Variants in EPB41L4A observed in about 807,000 individuals in gnomAD.
EPB41L4A encodes the protein band 4.1-like protein 4A.
In EPB41L4A, 100 loss-of-function variants were observed where a neutral mutation model predicts 108.6. The ratio of observed to expected loss-of-function variants is 0.92; its 90% CI spans 0.78 to 1.09. EPB41L4A has a LOEUF of 1.09. Among genes scored for constraint, EPB41L4A ranks in the 50% least tolerant of loss-of-function variants. EPB41L4A has a pLI of 0.00. For synonymous variants in EPB41L4A, 319 were observed against 289.0 expected (o/e 1.10, Z -1.05); for missense variants, 1,030 against 842.7 (o/e 1.22, Z -2.75).
downstream of EPB41L4A, among the ~76,000 whole-genome samples, chr5:112,142,282 T>C (rs1257934606): frequency 1.3e-5 from 2 of 152,212 alleles, no homozygotes; most frequent in Admixed American, 6.5e-5. Flanking sequence ...GCTTTCTTTT[T>C]AGTGTATAGA....
At position 112,164,821 on chromosome 5, in the gene EPB41L4A, G is replaced by A. The variant is rs1207567042; in HGVS notation, c.*169C>T. ...TGCACTCCAGCCTGGGCGACAGAGT[G>A]ATAACATCTCAAAAAAAAAAAAAAA... On this transcript the variant is annotated 3_prime_UTR_variant, in exon 23 of 23. Transcript: ENST00000261486. The A allele has an allele frequency of 1.5e-5, 10 of 661,036 alleles. No individual in the cohort carries two copies. In the South Asian group the frequency reaches 2.1e-4, roughly 14 times the overall value. 40.9% of individuals were successfully genotyped at this position (661,036 alleles called of 1,614,324 possible).
At chr5:112,313,091 A>G (rs558745586) in intron 1 of EPB41L4A, among the ~76,000 whole-genome samples, 1 of 152,366 alleles carries the variant, frequency 6.6e-6, no homozygotes, top group East Asian at 1.9e-4. Flanking sequence ...TGGGAAAAGT[A>G]CACTAATAAA....
Position 112,318,085 on chromosome 5 carries a change from C to T in EPB41L4A, c.100-10595G>A, listed in dbSNP as rs79615431. ...TTTTATAGATGAGGAAACTCAGAGC[C>T]GAGAGATGAGTGACTTGCCCACAGG... On this transcript the variant is annotated intron_variant, in intron 1 of 22. Coordinates refer to ENST00000261486, the MANE Select transcript of EPB41L4A (RefSeq NM_022140.5). 4.5e-3 allele frequency among the ~76,000 whole-genome samples: 686 copies of T among 152,148 alleles called. 9 individuals are homozygous for T. Among genetic ancestry groups the T allele is most frequent in the African/African-American group, 0.016 (668 of 41,504 alleles).
Position 112,176,173 on chromosome 5 carries a change from G to A in EPB41L4A, c.1623-5181C>T, listed in dbSNP as rs148499239. 2.5e-4 allele frequency among the ~76,000 whole-genome samples: 38 copies of A among 152,294 alleles called. No homozygotes were observed. In the East Asian group the frequency reaches 7.1e-3, roughly 29 times the overall value. The stretch of plus-strand genomic sequence containing the variant: ...CACTTAATGCTCAGCAAAATCCTAA[G>A]AGCGTGGTACCATCAGTGTTGTAGA... On this transcript the variant is annotated intron_variant, in intron 18 of 22. Coordinates refer to ENST00000261486, the MANE Select transcript of EPB41L4A (RefSeq NM_022140.5).
At chr5:112,346,648 C>T (rs1757696790) in intron 1 of EPB41L4A, among the ~76,000 whole-genome samples, 1 of 152,146 alleles carries the variant, frequency 6.6e-6, no homozygotes. Flanking sequence ...AAAACGTTAG[C>T]CCCAGTAGTT....
intron 3 of EPB41L4A, among the ~76,000 whole-genome samples, chr5:112,275,686 A>G: frequency 6.6e-6 from 1 of 152,282 alleles, no homozygotes; most frequent in East Asian, 1.9e-4. Context: ...CCCATTTTCT[A>G]TAGTATATAT....
At chr5:112,410,394 G>C (rs1039972321) in intron 1 of EPB41L4A, among the ~76,000 whole-genome samples, 1 of 152,206 alleles carries the variant, frequency 6.6e-6, no homozygotes, top group Non-Finnish European at 1.5e-5. Context: ...GTTAATGCTG[G>C]AAGCAGGGGC....
At chr5:112,393,184 G>C (rs1006932693) in intron 1 of EPB41L4A, among the ~76,000 whole-genome samples, 1 of 152,226 alleles carries the variant, frequency 6.6e-6, no homozygotes, top group Admixed American at 6.5e-5. Context: ...AAAAGAACTA[G>C]AGAAGCAAGA....
At chr5:112,160,256 C>G (rs1479534730), downstream of EPB41L4A, among the ~76,000 whole-genome samples, 2 of 152,122 alleles carry the variant, frequency 1.3e-5, no homozygotes, top group Non-Finnish European at 2.9e-5. Context: ...AAATTACACT[C>G]ATGGCTCACA....
At chr5:112,246,222 G>A (rs578087589) in intron 9 of EPB41L4A, among the ~76,000 whole-genome samples, 90 of 152,224 alleles carry the variant, frequency 5.9e-4, no homozygotes, top group African/African-American at 2.1e-3. Context: ...GTCATGCGTT[G>A]TATAAGGATG....
At chr5:112,184,847 T>A (rs76044203) in intron 17 of EPB41L4A, among the ~76,000 whole-genome samples, 2,176 of 152,162 alleles carry the variant, frequency 0.014, 46 homozygotes, top group African/African-American at 0.049. Context: ...CTCATTTTTT[T>A]AAAAAAAGAT....
At chr5:112,191,171 A>G (rs1761679378) in intron 17 of EPB41L4A, among the ~76,000 whole-genome samples, 1 of 152,096 alleles carries the variant, frequency 6.6e-6, no homozygotes, top group Non-Finnish European at 1.5e-5. Context: ...CAGTAAAGAA[A>G]GAATAAAGTG....
intron 12 of EPB41L4A, among the ~76,000 whole-genome samples, chr5:112,152,845 T>C (rs951852426): frequency 4.6e-5 from 7 of 151,942 alleles, no homozygotes; most frequent in African/African-American, 1.7e-4. Flanking sequence ...GATTCAAAGA[T>C]TACATATTAA....
At chr5:112,170,835 G>A (rs1760537374) in intron 19 of EPB41L4A, 110 bp downstream of exon 19, 5 of 916,880 alleles carry the variant, frequency 5.5e-6, no homozygotes, top group Non-Finnish European at 8.7e-6. Context: ...AGTGGCAATG[G>A]CTTTGGCAGG....
intron 2 of EPB41L4A, among the ~76,000 whole-genome samples, chr5:112,285,242 A>C (rs1440206386): frequency 6.6e-6 from 1 of 152,230 alleles, no homozygotes; most frequent in Non-Finnish European, 1.5e-5. Context: ...TTAAAAGCAC[A>C]CACAGTTTTC....
intron 1 of EPB41L4A, among the ~76,000 whole-genome samples, chr5:112,360,843 G>A (rs365230): frequency 0.43 from 65,617 of 151,284 alleles, 15,325 homozygotes; most frequent in South Asian, 0.58. Context: ...CCTCTGCCCC[G>A]CCACTCCGTC....
At chr5:112,217,590 A>G (rs1747743665) in intron 12 of EPB41L4A, among the ~76,000 whole-genome samples, 1 of 152,116 alleles carries the variant, frequency 6.6e-6, no homozygotes, top group African/African-American at 2.4e-5. Context: ...CATCCCAGTT[A>G]TTGAGACTGA....
At chr5:112,416,996 T>C (rs1252612158) in intron 1 of EPB41L4A, among the ~76,000 whole-genome samples, 1 of 152,236 alleles carries the variant, frequency 6.6e-6, no homozygotes, top group Non-Finnish European at 1.5e-5. Context: ...ATCAAAATAA[T>C]TGTGGCATGC....
At chr5:112,158,431 G>C, downstream of EPB41L4A, 1 of 438,572 alleles carries the variant, frequency 2.3e-6, no homozygotes, top group Admixed American at 2.5e-5. Context: ...GCTCACAATG[G>C]TGGTCACATA....
Sources: gnomAD v4.1 joint callset for allele counts (sites outside exome capture counted in the v4.1 genomes callset) on GRCh38, gnomAD v4.1.1 for gene constraint, MANE v1.5 for transcripts, NCBI Gene and HGNC (gene_info 2026-07-23, HGNC 2026-07-21) for gene names.